MAGI1: variants seen among roughly 807,000 people sequenced by gnomAD.
MAGI1 encodes the protein membrane-associated guanylate kinase, WW and PDZ domain-containing protein 1.
A neutral mutation model predicts 139.9 loss-of-function variants in MAGI1; 58 were observed. That is an observed-to-expected ratio of 0.41 (90% CI 0.34 to 0.52). The LOEUF (loss-of-function observed/expected upper bound fraction) is 0.52, where lower values mean the gene tolerates loss of function less well. MAGI1 is among the 20% of genes least tolerant of loss of function. The pLI is 0.12. For synonymous variants in MAGI1, 812 were observed against 737.9 expected (o/e 1.10, Z -1.63); for missense variants, 1,874 against 1,901.6 (o/e 0.99, Z 0.27).
At chr3:65,581,905 T>C (rs890517027) in intron 2 of MAGI1, among the ~76,000 whole-genome samples, 2 of 152,120 alleles carry the variant, frequency 1.3e-5, no homozygotes, top group Admixed American at 1.3e-4. Flanking sequence ...CTGAATATAT[T>C]CCTGACACTT....
At chr3:65,589,920 C>T (rs916607669) in intron 2 of MAGI1, among the ~76,000 whole-genome samples, 3 of 152,072 alleles carry the variant, frequency 2.0e-5, no homozygotes, top group Non-Finnish European at 2.9e-5. Flanking sequence ...GTTCCAGGCT[C>T]CTTGGCATCT....
chr3:65,523,519 T>C (rs1330276134), intron 2 of MAGI1, among the ~76,000 whole-genome samples: 8 of 152,166 alleles, frequency 5.3e-5, no homozygotes, highest in Non-Finnish European at 1.2e-4. Context: ...TCCCTGTAAA[T>C]GAACTTCTGT....
intron 1 of MAGI1, among the ~76,000 whole-genome samples, chr3:65,674,526 T>C (rs531316112): frequency 1.3e-5 from 2 of 152,298 alleles, no homozygotes; most frequent in African/African-American, 2.4e-5. Flanking sequence ...TCTCTTTTAC[T>C]AACTAACACA....
At chr3:65,675,267 C>A (rs2087117438) in intron 1 of MAGI1, among the ~76,000 whole-genome samples, 1 of 152,080 alleles carries the variant, frequency 6.6e-6, no homozygotes, top group South Asian at 2.1e-4. Context: ...TTTGAAACAG[C>A]AACATATCAG....
intron 2 of MAGI1, among the ~76,000 whole-genome samples, chr3:65,600,345 T>C (rs1460735253): frequency 6.6e-6 from 1 of 152,202 alleles, no homozygotes; most frequent in African/African-American, 2.4e-5. Flanking sequence ...GCCGTCATTT[T>C]GGTTAGGAAA....
Position 65,354,051 on chromosome 3 carries a change from C to A in MAGI1, c.*2327G>T, listed in dbSNP as rs1456295195. 6.6e-6 allele frequency: 1 copy of A among 152,172 alleles called. No homozygotes were observed. Among genetic ancestry groups the A allele is most frequent in the Non-Finnish European group, 1.5e-5 (1 of 68,030 alleles). The allele number at this position is 152,172 out of a possible 1,614,324, so 9.4% of individuals were successfully genotyped here. A position where few individuals can be genotyped will look rare whatever the true frequency, so the allele number is the denominator to read the frequency against. On this transcript the variant is annotated 3_prime_UTR_variant, in exon 23 of 23. Coordinates refer to ENST00000402939, the MANE Select transcript of MAGI1 (RefSeq NM_001033057.2). ...ATATTCCCAAAATCCACCTTGATTT[C>A]ATTTATTTAAAACTCTGGATCACAA... is the stretch of plus-strand genomic sequence containing the variant.
chr3:66,000,043 G>A (rs2066661330), intron 1 of MAGI1, among the ~76,000 whole-genome samples: 1 of 141,066 alleles, frequency 7.1e-6, no homozygotes, highest in Non-Finnish European at 1.5e-5. Flanking sequence ...CGCGAACTAG[G>A]CTCATTGCAA....
At position 65,365,512 on chromosome 3, in the gene MAGI1, T is replaced by C. The variant is rs878980996; in HGVS notation, c.3197-566A>G. On this transcript the variant is annotated intron_variant, in intron 18 of 22. Transcript: ENST00000402939. Reference sequence around the variant, plus strand: ...CTGAAAATATGGAACTCCTGACAGATCTTGTTTGGTATCACTCATGAAAAG... The same window carrying C: ...CTGAAAATATGGAACTCCTGACAGACCTTGTTTGGTATCACTCATGAAAAG... Among the ~76,000 whole-genome samples the C allele has an allele frequency of 2.0e-5, 3 of 152,350 alleles. No individual in the cohort carries two copies. In the South Asian group the frequency reaches 6.2e-4, roughly 32 times the overall value.
In MAGI1 at chr3:65,662,079, G is replaced by GA. The variant is rs1445152713; in HGVS notation, c.314-39992dup. Among the ~76,000 whole-genome samples, 8 of 151,928 alleles carry GA rather than the reference G, an allele frequency of 5.3e-5. No homozygotes were observed. The East Asian group carries it at 7.7e-4, about 15-fold the overall frequency. ...TGTATTTCTTTATTATTGCTGCCAA[G>GA]AAAAAAACAGAGGAATTACCAAGAA... On this transcript the variant is annotated intron_variant, in intron 1 of 22. Coordinates refer to ENST00000402939, the MANE Select transcript of MAGI1 (RefSeq NM_001033057.2).
intron 3 of MAGI1, among the ~76,000 whole-genome samples, chr3:65,488,271 G>C (rs1157051829): frequency 6.6e-6 from 1 of 152,088 alleles, no homozygotes; most frequent in Non-Finnish European, 1.5e-5. Context: ...GCCAAAACTA[G>C]ATGAAGCTTT....
intron 1 of MAGI1, among the ~76,000 whole-genome samples, chr3:66,012,765 CAA>C (rs34971326): frequency 1.8e-4 from 21 of 113,932 alleles, no homozygotes; most frequent in Admixed American, 2.5e-4. Flanking sequence ...GACTCCATCT[CAA>C]AAAAAAAAAA....
chr3:65,451,599 C>T (rs1949035615), intron 6 of MAGI1, among the ~76,000 whole-genome samples: 1 of 152,138 alleles, frequency 6.6e-6, no homozygotes, highest in Non-Finnish European at 1.5e-5. Flanking sequence ...TTCCTCTGAG[C>T]ATCATGGTGA....
chr3:66,025,933 C>T (rs901904162), intron 1 of MAGI1, among the ~76,000 whole-genome samples: 7 of 151,734 alleles, frequency 4.6e-5, no homozygotes, highest in African/African-American at 1.2e-4. Context: ...TATAAGGTCA[C>T]GATACTATTT....
chr3:65,661,933 G>A (rs867965860), intron 1 of MAGI1, among the ~76,000 whole-genome samples: 49 of 151,514 alleles, frequency 3.2e-4, no homozygotes, highest in African/African-American at 1.2e-3. Context: ...ATTTTTAGTA[G>A]AGACGGGGTT....
At chr3:65,502,109 T>G (rs1304517304) in intron 2 of MAGI1, among the ~76,000 whole-genome samples, 1 of 152,222 alleles carries the variant, frequency 6.6e-6, no homozygotes, top group Non-Finnish European at 1.5e-5. Context: ...ACGACTGTGC[T>G]TTGGTCAAAA....
In MAGI1 at chr3:65,400,750, ATTTTTTTTTTTTTTTTTT is replaced by A. The variant is rs767598706; in HGVS notation, c.2199+671_2199+688del. ...GATTGGAAAGGACAGCAAAACATTG[ATTTTTTTTTTTTTTTTTT>A]TTTTTTTTTTTTTTTTTTTTTAAGA... On this transcript the variant is annotated intron_variant, in intron 13 of 22. Transcript: ENST00000402939. Among the ~76,000 whole-genome samples the A allele has an allele frequency of 7.0e-3, 426 of 60,620 alleles. 4 individuals carry two copies. The highest frequency in any genetic ancestry group is 0.023 in the African/African-American group (337 of 14,920). 39.8% of individuals were successfully genotyped at this position (60,620 alleles called of 152,430 possible).
intron 2 of MAGI1, among the ~76,000 whole-genome samples, chr3:65,559,648 C>T (rs905047664): frequency 2.0e-5 from 3 of 152,124 alleles, no homozygotes; most frequent in African/African-American, 7.2e-5. Flanking sequence ...AGGTAGGGAT[C>T]GTTATTCCCT....
intron 2 of MAGI1, among the ~76,000 whole-genome samples, chr3:65,618,712 C>T (rs967505929): frequency 6.6e-6 from 1 of 152,150 alleles, no homozygotes; most frequent in Admixed American, 6.6e-5. Flanking sequence ...AACTATTAAC[C>T]TCTCTTGAGC....
chr3:65,597,740 G>A (rs768672202), intron 2 of MAGI1: 14 of 456,608 alleles, frequency 3.1e-5, no homozygotes, highest in Non-Finnish European at 5.7e-5. Flanking sequence ...TCCGGCAGCG[G>A]AGCGTTCGAA....
Sources: gnomAD v4.1 joint callset for allele counts (sites outside exome capture counted in the v4.1 genomes callset) on GRCh38, gnomAD v4.1.1 for gene constraint, MANE v1.5 for transcripts, NCBI Gene and HGNC (gene_info 2026-07-23, HGNC 2026-07-21) for gene names.